The following LMO7 variants were observed in gnomAD, a reference collection of about 807,000 sequenced individuals.
LMO7 encodes the protein LIM domain only protein 7.
LMO7 carries 120 observed loss-of-function variants against 206.5 expected under a neutral mutation model. That is an observed-to-expected ratio of 0.58 (90% CI 0.50 to 0.68). The LOEUF is 0.68. LMO7 is among the 30% of genes least tolerant of loss of function. The probability of loss-of-function intolerance (pLI) is 0.00; values close to 1 mark genes in which losing one functional copy is unlikely to be tolerated. For synonymous variants in LMO7, 706 were observed against 681.5 expected (o/e 1.04, Z -0.56); for missense variants, 1,959 against 1,957.9 (o/e 1.00, Z -0.01).
intron 26 of LMO7, among the ~76,000 whole-genome samples, chr13:75,847,735 C>G (rs2060111624): frequency 6.6e-6 from 1 of 152,212 alleles, no homozygotes; most frequent in Non-Finnish European, 1.5e-5. Flanking sequence ...CACTTTGTAA[C>G]TGAGTAATAC....
At chr13:75,710,837 T>G (rs2043046539) in intron 1 of LMO7, among the ~76,000 whole-genome samples, 1 of 152,008 alleles carries the variant, frequency 6.6e-6, no homozygotes, top group African/African-American at 2.4e-5. Flanking sequence ...AACACTATGT[T>G]GAATAGGAGT....
intron 26 of LMO7, among the ~76,000 whole-genome samples, chr13:75,846,516 A>C (rs1379938435): frequency 1.3e-5 from 2 of 152,158 alleles, no homozygotes; most frequent in Non-Finnish European, 2.9e-5. Flanking sequence ...AGCCACCATT[A>C]AAATTATAGT....
In LMO7 at chr13:75,730,126, G is replaced by A. The variant is rs535508682; in HGVS notation, c.210+3028G>A. 9.0e-3 allele frequency among the ~76,000 whole-genome samples: 1,376 copies of A among 152,054 alleles called. 29 individuals carry two copies. The highest frequency in any genetic ancestry group is 0.031 in the African/African-American group (1,293 of 41,364). ...TGTCTCTGCCAGGCTTTGGTATCAG[G>A]ATGATGCTGGCCTCATCAAATGAGT... On this transcript the variant is annotated intron_variant, in intron 3 of 30. Transcript: ENST00000377534.
At chr13:75,624,407 C>A (rs1231916836) in intron 2 of LMO7, among the ~76,000 whole-genome samples, 4 of 152,124 alleles carry the variant, frequency 2.6e-5, no homozygotes, top group African/African-American at 7.2e-5. Context: ...GGAGAGAGCA[C>A]CTTTCATAAA....
intron 10 of LMO7, 98 bp from the exon 11 acceptor site, chr13:75,809,056 G>T (rs750978295): frequency 1.2e-6 from 1 of 868,918 alleles, no homozygotes; most frequent in Non-Finnish European, 2.0e-6. Flanking sequence ...AGATTTGTCC[G>T]TCTCCAGTTA....
intron 4 of LMO7, among the ~76,000 whole-genome samples, chr13:75,781,162 A>G (rs1182850834): frequency 8.0e-6 from 1 of 125,056 alleles, no homozygotes. Flanking sequence ...GTTTTAGGGT[A>G]CATGTGCACA....
intron 4 of LMO7, among the ~76,000 whole-genome samples, chr13:75,764,918 G>C (rs1365327786): frequency 6.6e-6 from 1 of 151,942 alleles, no homozygotes; most frequent in Non-Finnish European, 1.5e-5. Context: ...AGTAAACATT[G>C]ATATTAACGG....
chr13:75,737,046 G>A (rs1594645099), intron 3 of LMO7, among the ~76,000 whole-genome samples: 2 of 152,270 alleles, frequency 1.3e-5, no homozygotes, highest in African/African-American at 4.8e-5. Flanking sequence ...CTAAGCCCCA[G>A]TACCTTAGAG....
intron 1 of LMO7, among the ~76,000 whole-genome samples, chr13:75,684,285 G>A (rs1024485461): frequency 2.0e-5 from 3 of 152,202 alleles, no homozygotes; most frequent in Admixed American, 6.5e-5. Flanking sequence ...CCAGGCTAGA[G>A]TGCAATGGTG....
chr13:75,651,616 T>A (rs2037575595), intron 1 of LMO7, among the ~76,000 whole-genome samples: 1 of 152,174 alleles, frequency 6.6e-6, no homozygotes, highest in Non-Finnish European at 1.5e-5. Context: ...GCGTGAGCCA[T>A]CACTCCCAGC....
chr13:75,760,551 AGAG>A (rs1360467591), intron 3 of LMO7: 26 of 1,293,100 alleles, frequency 2.0e-5, no homozygotes, highest in Non-Finnish European at 2.4e-5. Flanking sequence ...TTATTTTTAA[AGAG>A]GAGAGGTGAG....
At position 75,769,504 on chromosome 13, in the gene LMO7, G is replaced by T. The variant is rs116673534; in HGVS notation, c.317+8466G>T. Among the ~76,000 whole-genome samples, 764 of 152,012 alleles carry T rather than the reference G, an allele frequency of 5.0e-3. 7 individuals carry two copies. The highest frequency in any genetic ancestry group is 0.018 in the African/African-American group (731 of 41,492). On this transcript the variant is annotated intron_variant, in intron 4 of 30. Coordinates refer to ENST00000377534, the MANE Select transcript of LMO7 (RefSeq NM_001306080.2). ...AATTAAAAAAAAACGTGGTATACTT[G>T]TACACTCAGTAACTCATACTAACAT...
chr13:75,853,337 C>T lies in LMO7; in HGVS notation c.4610C>T (p.Pro1537Leu), dbSNP rs768434509. 8.7e-6 allele frequency: 14 copies of T among 1,613,022 alleles called. No individual in the cohort carries two copies. Among genetic ancestry groups the T allele is most frequent in the African/African-American group, 4.0e-5 (3 of 74,910 alleles). Residue 1537 changes from proline (P) to leucine (L), a missense_variant, in exon 28 of 31, where the codon CCG (proline) becomes CTG (leucine). Transcript: ENST00000377534. Reference sequence around the variant, plus strand: ...GTGGCCACCACACAGTCCCCCACCCCGAGAAGCCATTCCCCTTCAGCTTCA... The same window carrying T: ...GTGGCCACCACACAGTCCCCCACCCTGAGAAGCCATTCCCCTTCAGCTTCA... ...TGVATTQSPT[P>L]RSHSPSASQS...
At chr13:75,766,852 A>C (rs140399792) in intron 4 of LMO7, among the ~76,000 whole-genome samples, 2,398 of 152,206 alleles carry the variant, frequency 0.016, 30 homozygotes, top group Non-Finnish European at 0.023. Context: ...ACTGGATTTC[A>C]ATTACAAAGA....
At position 75,856,547 on chromosome 13, in the gene LMO7, A is replaced by C. The variant is rs1354858550; in HGVS notation, c.4812A>C (p.Gly1604=). Reference sequence around the variant, plus strand: ...GTGACCTCGGAGGCTCTTCCTCAGGAGCTGAAGTCAGGATCAGAAACCACC... The same window carrying C: ...GTGACCTCGGAGGCTCTTCCTCAGGCGCTGAAGTCAGGATCAGAAACCACC... ...CECDLGGSSS[G]AEVRIRNHQL... is the part of the protein sequence containing the mutation. Residue 1604 remains glycine (G), a synonymous_variant, in exon 30 of 31, where the codon GGA becomes GGC. Transcript: ENST00000377534. The C allele has an allele frequency of 1.1e-5, 17 of 1,611,844 alleles. No individual in the cohort carries two copies. The highest frequency in any genetic ancestry group is 1.3e-5 in the African/African-American group (1 of 74,464).
rs1352275942 is a variant in LMO7, at chr13:75,805,472, T to G, written c.915-7T>G. ...CAGTGTCTTAACCGGTTGGATGTTT[T>G]GAACAGTAATCAGAGGAGGATTTGG... On this transcript the variant is annotated splice_region_variant and splice_polypyrimidine_tract_variant and intron_variant, in intron 8 of 30. Transcript: ENST00000377534. 1.2e-6 allele frequency: 2 copies of G among 1,612,050 alleles called. No individual in the cohort carries two copies. Among genetic ancestry groups the G allele is most frequent in the Non-Finnish European group, 1.7e-6 (2 of 1,178,712 alleles).
intron 3 of LMO7, among the ~76,000 whole-genome samples, chr13:75,744,497 A>G (rs2046672777): frequency 6.6e-6 from 1 of 152,212 alleles, no homozygotes; most frequent in Non-Finnish European, 1.5e-5. Context: ...TTGTTTCAGT[A>G]TTTGAGTAGG....
chr13:75,787,512 G>C (rs1228727135), intron 4 of LMO7, among the ~76,000 whole-genome samples: 1 of 152,038 alleles, frequency 6.6e-6, no homozygotes, highest in African/African-American at 2.4e-5. Context: ...TTAACAAGAG[G>C]GTACTTATTC....
intron 3 of LMO7, among the ~76,000 whole-genome samples, chr13:75,745,210 A>G (rs2046738469): frequency 6.6e-6 from 1 of 152,164 alleles, no homozygotes; most frequent in Non-Finnish European, 1.5e-5. Flanking sequence ...GGGTCTGAAC[A>G]GAATGAGAAG....
Sources: gnomAD v4.1 joint callset for allele counts (sites outside exome capture counted in the v4.1 genomes callset) on GRCh38, gnomAD v4.1.1 for gene constraint, MANE v1.5 for transcripts, NCBI Gene and HGNC (gene_info 2026-07-23, HGNC 2026-07-21) for gene names.